The following IFTAP variants were observed in gnomAD, a reference collection of about 807,000 sequenced individuals.
IFTAP encodes the protein intraflagellar transport-associated protein.
In IFTAP, 19 loss-of-function variants were observed where a neutral mutation model predicts 19.4. The observed-to-expected ratio is 0.98, with a 90% CI of 0.68 to 1.44. IFTAP has a LOEUF of 1.44. Among genes scored for constraint, IFTAP ranks in the 40% most tolerant of loss-of-function variants. IFTAP has a pLI of 0.00. For missense variants in IFTAP, 240 were observed against 253.6 expected (o/e 0.95, Z 0.36); for synonymous variants, 85 against 83.5 (o/e 1.02, Z -0.10).
intron 1 of IFTAP, among the ~76,000 whole-genome samples, chr11:36,606,373 G>A (rs1851693106): frequency 6.6e-6 from 1 of 152,226 alleles, no homozygotes. Flanking sequence ...TGAGGCAGGA[G>A]AATTGCTTAA....
chr11:36,649,925 T>C (rs1032348078), intron 5 of IFTAP, among the ~76,000 whole-genome samples: 1 of 152,114 alleles, frequency 6.6e-6, no homozygotes, highest in Non-Finnish European at 1.5e-5. Context: ...GCTCCAAAAT[T>C]TGAAACTTTT....
At chr11:36,599,196 G>T (rs1430500620) in intron 1 of IFTAP, among the ~76,000 whole-genome samples, 1 of 152,178 alleles carries the variant, frequency 6.6e-6, no homozygotes, top group Admixed American at 6.5e-5. Context: ...GTTTTGCCAT[G>T]TTGGCCAGGC....
chr11:36,635,944 G>T, intron 3 of IFTAP, 107 bp from the exon 4 acceptor site: 1 of 737,094 alleles, frequency 1.4e-6, no homozygotes, highest in South Asian at 1.5e-5. Flanking sequence ...GAGAAAAGTG[G>T]ATTCAGCTGC....
Position 36,643,545 on chromosome 11 carries a change from T to A in IFTAP, c.359-4471T>A, listed in dbSNP as rs182484833. 1.6e-3 allele frequency among the ~76,000 whole-genome samples: 241 copies of A among 152,232 alleles called. 3 individuals are homozygous for A. The highest frequency in any genetic ancestry group is 5.5e-3 in the African/African-American group (228 of 41,546). The stretch of plus-strand genomic sequence containing the variant: ...AAAAGAGCCTGCATTGCCAAGACAA[T>A]CCTAAGCCAAAAGAAGAAAGCTGGA... On this transcript the variant is annotated intron_variant, in intron 4 of 5. Coordinates refer to ENST00000334307, the MANE Select transcript of IFTAP (RefSeq NM_138787.4).
intron 5 of IFTAP, among the ~76,000 whole-genome samples, chr11:36,653,554 A>G (rs181702494): frequency 1.3e-5 from 2 of 152,284 alleles, no homozygotes; most frequent in East Asian, 3.9e-4. Flanking sequence ...TCTAACACGA[A>G]CTGAACTTGA....
chr11:36,645,851 T>C (rs907507831), intron 4 of IFTAP, among the ~76,000 whole-genome samples: 6 of 152,194 alleles, frequency 3.9e-5, no homozygotes, highest in Non-Finnish European at 8.8e-5. Context: ...CAACATCTTA[T>C]TGGCAGGCAG....
chr11:36,627,029 A>G (rs1258477430), intron 2 of IFTAP, among the ~76,000 whole-genome samples: 6 of 151,370 alleles, frequency 4.0e-5, no homozygotes, highest in Non-Finnish European at 8.8e-5. Flanking sequence ...AGGGAAGTGC[A>G]TACTCCAACA....
chr11:36,621,652 C>T (rs1852296854), intron 2 of IFTAP, among the ~76,000 whole-genome samples: 1 of 151,950 alleles, frequency 6.6e-6, no homozygotes, highest in Non-Finnish European at 1.5e-5. Context: ...CAATCCAGGT[C>T]TTCTTGCTAA....
chr11:36,638,374 T>G (rs538101202), intron 4 of IFTAP, among the ~76,000 whole-genome samples: 1 of 152,336 alleles, frequency 6.6e-6, no homozygotes, highest in Non-Finnish European at 1.5e-5. Flanking sequence ...TGTATTTGTG[T>G]ATAAAAGATT....
At chr11:36,637,921 C>T (rs1303460957) in intron 4 of IFTAP, among the ~76,000 whole-genome samples, 1 of 150,860 alleles carries the variant, frequency 6.6e-6, no homozygotes, top group Non-Finnish European at 1.5e-5. Context: ...CACTCTGTCG[C>T]CCAGGCTGGA....
chr11:36,624,191 G>A (rs893949303), intron 2 of IFTAP, among the ~76,000 whole-genome samples: 1 of 151,770 alleles, frequency 6.6e-6, no homozygotes, highest in Non-Finnish European at 1.5e-5. Flanking sequence ...ATACTCAGAG[G>A]TACCAGCACC....
At chr11:36,638,102 G>A (rs1853028645) in intron 4 of IFTAP, among the ~76,000 whole-genome samples, 2 of 151,964 alleles carry the variant, frequency 1.3e-5, no homozygotes, top group African/African-American at 2.4e-5. Flanking sequence ...GGCTGGTCTT[G>A]AACTCCTGAG....
chr11:36,616,539 A>T (rs1424702571), intron 2 of IFTAP, among the ~76,000 whole-genome samples: 1 of 151,982 alleles, frequency 6.6e-6, no homozygotes, highest in African/African-American at 2.4e-5. Context: ...TTGCTGGAGG[A>T]CTGGCCTTTG....
intron 3 of IFTAP, among the ~76,000 whole-genome samples, chr11:36,634,192 T>C (rs1249543533): frequency 6.6e-6 from 1 of 152,112 alleles, no homozygotes; most frequent in Non-Finnish European, 1.5e-5. Flanking sequence ...TGACTGACCA[T>C]TGGGATTATA....
intron 1 of IFTAP, among the ~76,000 whole-genome samples, chr11:36,603,935 A>T (rs1851598877): frequency 6.6e-6 from 1 of 151,284 alleles, no homozygotes; most frequent in Non-Finnish European, 1.5e-5. Flanking sequence ...AAAAAAAAAA[A>T]AAGTCAATAT....
At chr11:36,610,842 G>T (rs930950687) in intron 2 of IFTAP, among the ~76,000 whole-genome samples, 1 of 152,122 alleles carries the variant, frequency 6.6e-6, no homozygotes, top group Non-Finnish European at 1.5e-5. Flanking sequence ...TGCTGCTGTT[G>T]TGGTTTCTGT....
chr11:36,614,368 A>G (rs1261548618), intron 2 of IFTAP, among the ~76,000 whole-genome samples: 5 of 148,584 alleles, frequency 3.4e-5, no homozygotes, highest in African/African-American at 1.0e-4. Flanking sequence ...GAATAATGCC[A>G]CAATAAACAT....
intron 1 of IFTAP, among the ~76,000 whole-genome samples, chr11:36,602,590 C>T (rs920821114): frequency 1.3e-5 from 2 of 152,106 alleles, no homozygotes; most frequent in Admixed American, 1.3e-4. Flanking sequence ...TATGGATTCA[C>T]AGTTTTATCA....
intron 5 of IFTAP, among the ~76,000 whole-genome samples, chr11:36,648,825 T>C (rs116033740): frequency 3.1e-3 from 476 of 152,258 alleles, no homozygotes; most frequent in African/African-American, 0.01. Context: ...TCACATTCCA[T>C]TGGTGACCAC....
Sources: gnomAD v4.1 joint callset for allele counts (sites outside exome capture counted in the v4.1 genomes callset) on GRCh38, gnomAD v4.1.1 for gene constraint, MANE v1.5 for transcripts, NCBI Gene and HGNC (gene_info 2026-07-23, HGNC 2026-07-21) for gene names.